Variants in PPARG observed in about 807,000 individuals in gnomAD.
PPARG encodes the protein peroxisome proliferator activated receptor gamma.
A neutral mutation model predicts 39.2 loss-of-function variants in PPARG; 17 were observed. The observed-to-expected ratio is 0.43, with a 90% CI of 0.30 to 0.65. The LOEUF is 0.65. Among genes scored for constraint, PPARG ranks in the 30% least tolerant of loss-of-function variants. The pLI is 0.13. For missense variants in PPARG, 406 were observed against 585.9 expected (o/e 0.69, Z 3.17); for synonymous variants, 223 against 215.7 (o/e 1.03, Z -0.30).
At chr3:12,432,803 T>C (rs761208254) in intron 7 of PPARG, among the ~76,000 whole-genome samples, 9 of 152,220 alleles carry the variant, frequency 5.9e-5, no homozygotes, top group Non-Finnish European at 1.2e-4. Context: ...TTCAATATAC[T>C]AAAATCAATT....
chr3:12,292,375 A>G (rs1050859258), intron 1 of PPARG, among the ~76,000 whole-genome samples: 1 of 152,136 alleles, frequency 6.6e-6, no homozygotes, highest in African/African-American at 2.4e-5. Context: ...TTCTTAACGT[A>G]TATTCCCCAG....
At chr3:12,297,832 G>A (rs1368301823) in intron 1 of PPARG, 2 of 151,552 alleles carry the variant, frequency 1.3e-5, no homozygotes, top group South Asian at 2.1e-4. Context: ...TTTCTATTAT[G>A]TTCCTTTTTT....
rs371509398 is a variant in PPARG, at chr3:12,392,765, T to C, written c.529+13T>C. On this transcript the variant is annotated intron_variant, in intron 5 of 7. Coordinates refer to ENST00000651735, the MANE Select transcript of PPARG (RefSeq NM_138711.6). ...ATGTCTCATAATGGTAAGTAAACAG[T>C]CATCACCATATACTTTATTATTCTC... is the stretch of plus-strand genomic sequence containing the variant. 68 of 1,613,416 alleles carry C rather than the reference T, an allele frequency of 4.2e-5. 1 individual carries two copies. The African/African-American group carries it at 8.3e-4, about 20-fold the overall frequency.
intron 2 of PPARG, among the ~76,000 whole-genome samples, chr3:12,362,766 C>T (rs1034000981): frequency 7.2e-5 from 11 of 151,914 alleles, no homozygotes; most frequent in African/African-American, 2.7e-4. Flanking sequence ...AAATATTTCA[C>T]CATCAGGTAT....
At chr3:12,339,778 C>G (rs1325800999) in intron 2 of PPARG, among the ~76,000 whole-genome samples, 1 of 152,180 alleles carries the variant, frequency 6.6e-6, no homozygotes, top group South Asian at 2.1e-4. Flanking sequence ...ACATGAGAGT[C>G]GCATCCTCAC....
chr3:12,400,008 G>A (rs2921193), intron 5 of PPARG, among the ~76,000 whole-genome samples: 81,807 of 151,336 alleles, frequency 0.54, 22,831 homozygotes, highest in African/African-American at 0.68. Flanking sequence ...AAATTTTAAA[G>A]AGAGATGGGA....
At chr3:12,333,563 C>G (rs1019140841) in intron 2 of PPARG, among the ~76,000 whole-genome samples, 9 of 152,228 alleles carry the variant, frequency 5.9e-5, no homozygotes, top group Admixed American at 3.9e-4. Flanking sequence ...CTACCGGGCT[C>G]GAGTGATCCT....
intron 2 of PPARG, among the ~76,000 whole-genome samples, chr3:12,372,438 A>G (rs949991252): frequency 6.6e-6 from 1 of 152,150 alleles, no homozygotes; most frequent in African/African-American, 2.4e-5. Flanking sequence ...CAGTTTTCCC[A>G]TCTTTAAAGT....
intron 2 of PPARG, among the ~76,000 whole-genome samples, chr3:12,349,133 T>C (rs1575035877): frequency 6.6e-6 from 1 of 152,216 alleles, no homozygotes; most frequent in East Asian, 1.9e-4. Flanking sequence ...TGGATAATTT[T>C]GATATAGTTA....
chr3:12,316,671 C>A (rs996891633), intron 2 of PPARG, among the ~76,000 whole-genome samples: 1 of 150,766 alleles, frequency 6.6e-6, no homozygotes, highest in African/African-American at 2.4e-5. Flanking sequence ...GCCAGGGTGT[C>A]TGGCTCTAAG....
At chr3:12,416,357 C>T (rs1043723390) in intron 6 of PPARG, among the ~76,000 whole-genome samples, 4 of 152,084 alleles carry the variant, frequency 2.6e-5, no homozygotes, top group African/African-American at 4.8e-5. Context: ...TCAGTCTGGG[C>T]GCAGAGTGAG....
At chr3:12,376,436 A>G (rs573973819) in intron 2 of PPARG, among the ~76,000 whole-genome samples, 2 of 152,126 alleles carry the variant, frequency 1.3e-5, no homozygotes, top group African/African-American at 2.4e-5. Context: ...AGAAAAAGGA[A>G]AAGCAAGAGG....
intron 1 of PPARG, chr3:12,301,774 G>C (rs1314670072): frequency 6.6e-6 from 1 of 152,180 alleles, no homozygotes; most frequent in Non-Finnish European, 1.5e-5. Context: ...GGGCAAAGAA[G>C]TGCCCTGCTA....
chr3:12,316,414 T>G (rs1319248158), intron 2 of PPARG, among the ~76,000 whole-genome samples: 2 of 152,148 alleles, frequency 1.3e-5, no homozygotes, highest in Admixed American at 6.5e-5. Context: ...GAAAGTGGAA[T>G]GGTGCTTACC....
chr3:12,433,410 C>T (rs1424458006), intron 7 of PPARG, among the ~76,000 whole-genome samples: 1 of 151,840 alleles, frequency 6.6e-6, no homozygotes, highest in African/African-American at 2.4e-5. Context: ...TGGTGGTGAG[C>T]ACCTATCATC....
chr3:12,363,833 A>G, intron 2 of PPARG, among the ~76,000 whole-genome samples: 1 of 152,170 alleles, frequency 6.6e-6, no homozygotes, highest in East Asian at 1.9e-4. Context: ...CGAGGAAAAC[A>G]TTCCAGCTTC....
chr3:12,360,336 T>C (rs1277861521), intron 2 of PPARG, among the ~76,000 whole-genome samples: 1 of 152,120 alleles, frequency 6.6e-6, no homozygotes, highest in African/African-American at 2.4e-5. Context: ...GAGTTCTGAA[T>C]TGAATAATTT....
At chr3:12,300,472 C>T (rs1236795127) in intron 1 of PPARG, among the ~76,000 whole-genome samples, 1 of 152,186 alleles carries the variant, frequency 6.6e-6, no homozygotes, top group Non-Finnish European at 1.5e-5. Context: ...AAGCACAATA[C>T]AGCCACAGTT....
chr3:12,316,082 A>G (rs1259168238), intron 2 of PPARG, among the ~76,000 whole-genome samples: 2 of 152,228 alleles, frequency 1.3e-5, no homozygotes, highest in African/African-American at 2.4e-5. Flanking sequence ...TCTTAAAGGA[A>G]ATCAATGACA....
Sources: allele counts gnomAD v4.1 joint callset (sites outside exome capture counted in the v4.1 genomes callset), GRCh38; gene constraint gnomAD v4.1.1; transcripts MANE v1.5; gene names NCBI Gene and HGNC (gene_info 2026-07-23, HGNC 2026-07-21).